Variants in NTN4 observed in about 807,000 individuals in gnomAD.
The protein encoded by NTN4 is netrin 4.
Under a neutral mutation model 73.6 loss-of-function variants are expected in NTN4, and 32 were observed. The observed-to-expected ratio is 0.44, with a 90% CI of 0.33 to 0.58. The LOEUF (loss-of-function observed/expected upper bound fraction) is 0.58. Among genes scored for constraint, NTN4 ranks in the 20% least tolerant of loss-of-function variants. The pLI is 0.04. For missense variants in NTN4, 654 were observed against 798.3 expected, an observed-to-expected ratio of 0.82 and a Z score of 2.18; for synonymous variants, 258 against 287.5, an observed-to-expected ratio of 0.90 and a Z score of 1.04.
At chr12:95,690,324 A>G (rs764484678) in intron 5 of NTN4, among the ~76,000 whole-genome samples, 1 of 152,254 alleles carries the variant, frequency 6.6e-6, no homozygotes, top group Non-Finnish European at 1.5e-5. Flanking sequence ...CTAGGGATCT[A>G]ACTTGAATAA....
chr12:95,787,901 A>T (rs2079181636), intron 1 of NTN4, among the ~76,000 whole-genome samples: 1 of 152,184 alleles, frequency 6.6e-6, no homozygotes, highest in Admixed American at 6.5e-5. Context: ...TTTTAAGACC[A>T]CCTAAGTTAG....
In NTN4 at chr12:95,688,086, A is replaced by G. The variant is rs565733801; in HGVS notation, c.1181-4375T>C. 4.2e-4 allele frequency among the ~76,000 whole-genome samples: 64 copies of G among 152,292 alleles called. No homozygotes were observed. The South Asian group carries it at 8.5e-3, about 20-fold the overall frequency. ...TTGTCCTATGGGCATAATGAATCAT[A>G]AGAAGTTATAAAGCAGAATTATGGC... On this transcript the variant is annotated intron_variant, in intron 5 of 9. Coordinates refer to ENST00000343702, the MANE Select transcript of NTN4 (RefSeq NM_021229.4).
chr12:95,774,188 A>ATTT (rs1450824297), intron 2 of NTN4, among the ~76,000 whole-genome samples: 199 of 146,038 alleles, frequency 1.4e-3, no homozygotes, highest in African/African-American at 3.2e-3. Flanking sequence ...TTTTTTTTTA[A>ATTT]AAAAAAAAGA....
chr12:95,667,367 A>T (rs182064615), intron 8 of NTN4, among the ~76,000 whole-genome samples: 63 of 151,608 alleles, frequency 4.2e-4, no homozygotes, highest in Admixed American at 1.1e-3. Flanking sequence ...ATATATATAT[A>T]TTTTTTCACA....
chr12:95,684,835 C>T (rs1252279244), intron 5 of NTN4, among the ~76,000 whole-genome samples: 1 of 152,094 alleles, frequency 6.6e-6, no homozygotes, highest in Non-Finnish European at 1.5e-5. Flanking sequence ...TTCGTGAGCC[C>T]TAACTTCAGT....
rs569377694 is a variant in NTN4 at position 95,768,341 on chromosome 12, T to C, written c.585+18598A>G. Among the ~76,000 whole-genome samples the C allele has an allele frequency of 3.3e-5, 5 of 152,248 alleles. No homozygotes were observed. In the South Asian group the frequency reaches 1.0e-3, roughly 32 times the overall value. The stretch of plus-strand genomic sequence containing the variant: ...ATTCCTTAAGGATGAGTGGGAATTA[T>C]CTAGTATTTCTCCATCTACCCCTAA... On this transcript the variant is annotated intron_variant, in intron 2 of 9. Coordinates refer to ENST00000343702, the MANE Select transcript of NTN4 (RefSeq NM_021229.4).
At chr12:95,688,227 A>G (rs181198915) in intron 5 of NTN4, among the ~76,000 whole-genome samples, 17 of 152,280 alleles carry the variant, frequency 1.1e-4, no homozygotes, top group Admixed American at 1.1e-3. Flanking sequence ...TGACTAAGAC[A>G]GTAGGTGTGG....
At chr12:95,742,988 T>C (rs533965236) in intron 2 of NTN4, among the ~76,000 whole-genome samples, 1 of 152,366 alleles carries the variant, frequency 6.6e-6, no homozygotes, top group African/African-American at 2.4e-5. Context: ...CACATCTATG[T>C]ATAAACACTA....
intron 3 of NTN4, among the ~76,000 whole-genome samples, chr12:95,714,992 C>T (rs1036543402): frequency 1.3e-5 from 2 of 152,142 alleles, no homozygotes; most frequent in Non-Finnish European, 2.9e-5. Context: ...TAAGATAACA[C>T]TCAAGTAACT....
At position 95,781,674 on chromosome 12, in the gene NTN4, C is replaced by G. The variant is rs2079133832; in HGVS notation, c.585+5265G>C. Among the ~76,000 whole-genome samples the G allele has an allele frequency of 6.6e-6, 1 of 152,074 alleles. No homozygotes were observed. The highest frequency in any genetic ancestry group is 1.5e-5 in the Non-Finnish European group (1 of 68,018). On this transcript the variant is annotated intron_variant, in intron 2 of 9. Transcript: ENST00000343702. The surrounding 1 kb of genome is among the most constrained non-coding windows in gnomAD (Gnocchi z 4.1). The stretch of plus-strand genomic sequence containing the variant: ...ATCTTACCATGTCATTTCTATTTCT[C>G]CATTTGTTTATGTTCCCCATTTCTT...
chr12:95,670,210 A>T, intron 7 of NTN4, 64 bp from the exon 8 acceptor site: 1 of 941,618 alleles, frequency 1.1e-6, no homozygotes, highest in South Asian at 1.6e-5. Context: ...AAAATAAGAG[A>T]TCAGCAAGTG....
rs1592678879 is a variant in NTN4 at position 95,710,491 on chromosome 12, C to T, written c.1130G>A (p.Gly377Asp). The T allele has an allele frequency of 6.2e-6, 10 of 1,614,116 alleles. No individual in the cohort carries two copies. The East Asian group carries it at 2.0e-4, about 32-fold the overall frequency. The change falls in exon 5 of 10, where the codon GGC becomes GAC. Residue 377 changes from glycine to aspartate, a missense_variant. Coordinates refer to ENST00000343702, the MANE Select transcript of NTN4 (RefSeq NM_021229.4). ...EGQYCQRCKP[G>D]FYRDLRRPFS... is the part of the protein sequence containing the mutation. ...GGGTCTCCGCAGGTCACGATAGAAG[C>T]CTGGCTTGCACCTCTGGCAATACTG...
At chr12:95,740,898 C>T (rs1260498577) in intron 2 of NTN4, among the ~76,000 whole-genome samples, 1 of 152,176 alleles carries the variant, frequency 6.6e-6, no homozygotes, top group Admixed American at 6.5e-5. Context: ...TTCTTGGACC[C>T]TATCCAAGAT....
intron 2 of NTN4, among the ~76,000 whole-genome samples, chr12:95,768,264 C>T (rs564914119): frequency 2.6e-5 from 4 of 151,948 alleles, no homozygotes; most frequent in East Asian, 3.9e-4. Flanking sequence ...ATGTGATGTA[C>T]GTGTACACTG....
chr12:95,725,046 A>C (rs2078682171), intron 3 of NTN4, among the ~76,000 whole-genome samples: 1 of 149,310 alleles, frequency 6.7e-6, no homozygotes, highest in Admixed American at 6.8e-5. Context: ...ACCTAAAATA[A>C]CTTCTTATAA....
At chr12:95,764,204 G>A (rs1472213935) in intron 2 of NTN4, among the ~76,000 whole-genome samples, 3 of 152,254 alleles carry the variant, frequency 2.0e-5, no homozygotes, top group East Asian at 3.8e-4. Context: ...TTAAGCAGCT[G>A]AAGTGATGCA....
At chr12:95,703,457 A>C (rs189924292) in intron 5 of NTN4, among the ~76,000 whole-genome samples, 41 of 152,326 alleles carry the variant, frequency 2.7e-4, no homozygotes, top group Non-Finnish European at 5.9e-4. Flanking sequence ...AGTGTGTGCT[A>C]TAGAACACGG....
chr12:95,722,220 A>G (rs2078653761), intron 3 of NTN4, among the ~76,000 whole-genome samples: 1 of 152,060 alleles, frequency 6.6e-6, no homozygotes, highest in South Asian at 2.1e-4. Flanking sequence ...CCCCAAACCC[A>G]CCCATCTGCA....
chr12:95,771,868 C>T (rs549163466), intron 2 of NTN4, among the ~76,000 whole-genome samples: 2 of 152,028 alleles, frequency 1.3e-5, no homozygotes, highest in South Asian at 2.1e-4. Context: ...TGCCTTCTCC[C>T]TGCTTGTTTT....
Sources: gnomAD v4.1 joint callset for allele counts (sites outside exome capture counted in the v4.1 genomes callset) on GRCh38, gnomAD v4.1.1 for gene constraint, Gnocchi (gnomAD v3.1) non-coding constraint, MANE v1.5 for transcripts, NCBI Gene and HGNC (gene_info 2026-07-23, HGNC 2026-07-21) for gene names.